ITGA5: variants seen among roughly 807,000 people sequenced by gnomAD.
ITGA5 encodes the protein integrin subunit alpha 5.
A neutral mutation model predicts 146.3 loss-of-function variants in ITGA5; 55 were observed. The observed-to-expected ratio is 0.38, with a 90% confidence interval of 0.30 to 0.47. The LOEUF is 0.47. ITGA5 is among the 20% of genes least tolerant of loss of function. The pLI is 0.99. For missense variants in ITGA5, 1,131 were observed against 1,329.0 expected (o/e 0.85, Z 2.32); for synonymous variants, 500 against 531.8 (o/e 0.94, Z 0.82).
intron 9 of ITGA5, among the ~76,000 whole-genome samples, chr12:54,406,540 GC>G (rs1955868484): frequency 6.6e-6 from 1 of 152,210 alleles, no homozygotes; most frequent in African/African-American, 2.4e-5. Flanking sequence ...AAATCCAGTG[GC>G]CCCCTGCAGT....
In ITGA5 at chr12:54,413,627, G is replaced by A. The variant is rs374347894; in HGVS notation, c.219-1663C>T. On this transcript the variant is annotated intron_variant, in intron 1 of 29. Transcript: ENST00000293379. The stretch of plus-strand genomic sequence containing the variant: ...TGGCTGCACCGCCCTAGGGCTGGGT[G>A]ATGTGAGAGAAGGAGACCCCTCTCT... Among the ~76,000 whole-genome samples the A allele has an allele frequency of 5.5e-4, 84 of 152,322 alleles. 1 individual carries two copies. The highest frequency in any genetic ancestry group is 9.6e-4 in the East Asian group (5 of 5,186).
At chr12:54,400,067 A>C (rs1373222122) in intron 25 of ITGA5, 120 bp from the exon 26 acceptor site, 1 of 722,442 alleles carries the variant, frequency 1.4e-6, no homozygotes, top group East Asian at 2.6e-5. Context: ...GATTCATCCA[A>C]CTGTCCACCT....
chr12:54,408,586 C>T (rs1013582283), intron 6 of ITGA5, among the ~76,000 whole-genome samples, 170 bp downstream of exon 6: 5 of 151,766 alleles, frequency 3.3e-5, no homozygotes, highest in African/African-American at 4.8e-5. Flanking sequence ...ATTAGCCAGG[C>T]GCGGTGGCAG....
rs992677585 is a variant in ITGA5 at position 54,408,386 on chromosome 12, G to A, written c.692-151C>T. ...GCATGTAAGCTTCAGGAAAGGAAGA[G>A]GAGAATTGGGAGTAGGGTGGGAGGC... On this transcript the variant is annotated intron_variant, in intron 6 of 29. Coordinates refer to ENST00000293379, the MANE Select transcript of ITGA5 (RefSeq NM_002205.5). The A allele has an allele frequency of 4.9e-5, 41 of 841,632 alleles. No homozygotes were observed. In the Middle Eastern group the frequency reaches 1.0e-3, roughly 21 times the overall value. 52.1% of individuals were successfully genotyped at this position (841,632 alleles called of 1,614,324 possible).
chr12:54,405,435 T>C, intron 11 of ITGA5, 61 bp from the exon 12 acceptor site: 1 of 1,349,210 alleles, frequency 7.4e-7, no homozygotes, highest in East Asian at 2.5e-5. Context: ...ACCCCAATCC[T>C]AGTGCTAGAA....
rs1956012181 is a variant in ITGA5, at chr12:54,416,724, G to A, written c.218+2257C>T. Among the ~76,000 whole-genome samples the A allele has an allele frequency of 6.6e-6, 1 of 152,198 alleles. No homozygotes were observed. Among genetic ancestry groups the A allele is most frequent in the South Asian group, 2.1e-4 (1 of 4,832 alleles). ...TTTTCACGGGAAGACCAGGCTCCAA[G>A]AGCTTAAATACCTCTCCCTAGGTAC... On this transcript the variant is annotated intron_variant, in intron 1 of 29. Transcript: ENST00000293379. This position sits in a 1 kb window ranked among gnomAD's most constrained non-coding sequence, Gnocchi z 4.1.
intron 1 of ITGA5, 76 bp downstream of exon 1, chr12:54,418,905 C>T: frequency 1.3e-6 from 2 of 1,545,206 alleles, no homozygotes; most frequent in South Asian, 1.2e-5. Flanking sequence ...CCCTGGTCCC[C>T]TCCAGACCCC....
Position 54,419,097 on chromosome 12 carries a change from C to T in ITGA5, c.102G>A (p.Pro34=), listed in dbSNP as rs12817414. 6.3e-7 allele frequency: 1 copy of T among 1,588,186 alleles called. No homozygotes were observed. The highest frequency in any genetic ancestry group is 8.5e-7 in the Non-Finnish European group (1 of 1,170,294). Residue 34 remains proline, a synonymous_variant, in exon 1 of 30, where the codon CCG becomes CCA. Transcript: ENST00000293379. ...PLLPLLLLLL[P]PPPRVGGFNL... ...TGAAGCCCCCGACCCTGGGTGGCGGCGGCAGCAGCAGCAACAGCAGCGGCA... is the reference window on the plus strand; with the variant it reads ...TGAAGCCCCCGACCCTGGGTGGCGGTGGCAGCAGCAGCAACAGCAGCGGCA...
rs1009565501 is a variant in ITGA5, at chr12:54,409,156, G to A, written c.583+76C>T. Reference sequence around the variant, plus strand: ...TCATGGGGGCACATGGTAGGTGCGAGTCAACCCTAAGTATGTGAGACACTT... The same window carrying A: ...TCATGGGGGCACATGGTAGGTGCGAATCAACCCTAAGTATGTGAGACACTT... On this transcript the variant is annotated intron_variant, in intron 4 of 29. Transcript: ENST00000293379. The surrounding 1 kb of genome is among the most constrained non-coding windows in gnomAD (Gnocchi z 4.7). 4 of 1,557,246 alleles carry A rather than the reference G, an allele frequency of 2.6e-6. No individual in the cohort carries two copies. In the African/African-American group the frequency reaches 5.5e-5, roughly 21 times the overall value.
chr12:54,417,589 C>T (rs998824895), intron 1 of ITGA5, among the ~76,000 whole-genome samples: 1 of 152,042 alleles, frequency 6.6e-6, no homozygotes, highest in African/African-American at 2.4e-5. Context: ...GAGAATTTGC[C>T]TTTCTCCCCA....
rs768801305 is a variant in ITGA5, at chr12:54,401,692, G to A, written c.2307-27C>T. On this transcript the variant is annotated intron_variant, in intron 22 of 29. Coordinates refer to ENST00000293379, the MANE Select transcript of ITGA5 (RefSeq NM_002205.5). This position sits in a 1 kb window ranked among gnomAD's most constrained non-coding sequence, Gnocchi z 5.0. Reference sequence around the variant, plus strand: ...TGTGGGATGGAGGCAAGACTGAGGTGCTGGAGTGCAGCCAGTGAGAATGGC... The same window carrying A: ...TGTGGGATGGAGGCAAGACTGAGGTACTGGAGTGCAGCCAGTGAGAATGGC... 4.7e-5 allele frequency: 76 copies of A among 1,613,138 alleles called. No individual in the cohort carries two copies. The highest frequency in any genetic ancestry group is 6.4e-5 in the Non-Finnish European group (75 of 1,179,212).
chr12:54,408,890 C>T lies in ITGA5; in HGVS notation c.645+3G>A, dbSNP rs766983503. 6.2e-7 allele frequency: 1 copy of T among 1,614,108 alleles called. No individual in the cohort carries two copies. The highest frequency in any genetic ancestry group is 8.5e-7 in the Non-Finnish European group (1 of 1,179,992). On this transcript the variant is annotated splice_donor_region_variant and intron_variant, in intron 5 of 29. Transcript: ENST00000293379. The stretch of plus-strand genomic sequence containing the variant: ...CCCCTTCTCTCCCAGACCACTCTCT[C>T]ACCTTGGTGAACTCGGCACTGAAGC...
In ITGA5 at chr12:54,405,319, G is replaced by A. The variant is rs775846363; in HGVS notation, c.1072C>T (p.Arg358Trp). Residue 358 changes from arginine to tryptophan, a missense_variant, in exon 12 of 30, where the codon CGG (arginine) becomes TGG (tryptophan). Around this residue, in one of 3 missense-constraint regions of ITGA5, gnomAD observed 889 missense variants for 1,021.5 expected, o/e 0.87. Transcript: ENST00000293379. Reference protein sequence around the residue: ...PLLMDRTPDGRPQEVGRVYVY... With the variant: ...PLLMDRTPDGWPQEVGRVYVY... The stretch of plus-strand genomic sequence containing the variant: ...TAGACCCTGCCCACCTCCTGAGGCC[G>A]CCCGTCAGGGGTCCGATCCATGAGC... The A allele has an allele frequency of 2.0e-5, 33 of 1,612,648 alleles. No homozygotes were observed. The South Asian group carries it at 2.1e-4, about 10-fold the overall frequency.
At chr12:54,411,297 C>T (rs1461172999) in intron 2 of ITGA5, among the ~76,000 whole-genome samples, 1 of 152,242 alleles carries the variant, frequency 6.6e-6, no homozygotes, top group Non-Finnish European at 1.5e-5. Flanking sequence ...ATACCTTATA[C>T]AGTTGTTGAA....
In ITGA5 at chr12:54,401,505, G is replaced by GTGGTTTAGA; in HGVS notation, c.2388-28_2388-27insTCTAAACCA. On this transcript the variant is annotated intron_variant, in intron 23 of 29. Transcript: ENST00000293379. This position sits in a 1 kb window ranked among gnomAD's most constrained non-coding sequence, Gnocchi z 5.0. ...TAAGGAGGAGGGTGGTTTAGAGGAG[G>GTGGTTTAGA]GTGGAAGGAACCCCATATGCATCCT... 3 of 1,607,184 alleles carry GTGGTTTAGA rather than the reference G, an allele frequency of 1.9e-6. No individual in the cohort carries two copies. Among genetic ancestry groups the GTGGTTTAGA allele is most frequent in the African/African-American group, 1.3e-5 (1 of 74,808 alleles).
rs1372689836 is a variant in ITGA5, at chr12:54,416,242, T to C, written c.218+2739A>G. On this transcript the variant is annotated intron_variant, in intron 1 of 29. Transcript: ENST00000293379. This position sits in a 1 kb window ranked among gnomAD's most constrained non-coding sequence, Gnocchi z 4.1. ...GTGCCAGCACGCTCGGCTAATTTTT[T>C]TATTTTTAGTAGAGATGGGGTTTCA... Among the ~76,000 whole-genome samples the C allele has an allele frequency of 6.6e-6, 1 of 152,142 alleles. No homozygotes were observed. Among genetic ancestry groups the C allele is most frequent in the Non-Finnish European group, 1.5e-5 (1 of 68,010 alleles).
At chr12:54,410,305 C>G (rs754158768) in intron 2 of ITGA5, among the ~76,000 whole-genome samples, 19 of 149,994 alleles carry the variant, frequency 1.3e-4, no homozygotes, top group Non-Finnish European at 2.1e-4. Flanking sequence ...ACTTCTTTGT[C>G]TATACTTGGA....
intron 2 of ITGA5, among the ~76,000 whole-genome samples, chr12:54,410,347 C>CTTT (rs68135389): frequency 2.0e-4 from 26 of 132,988 alleles, no homozygotes; most frequent in Admixed American, 1.5e-3. Context: ...GTTCCACCTC[C>CTTT]TTTTTTTTTT....
In ITGA5 at chr12:54,402,283, G is replaced by A. The variant is rs756270011; in HGVS notation, c.2030C>T (p.Thr677Ile). 1.2e-6 allele frequency: 2 copies of A among 1,614,188 alleles called. No individual in the cohort carries two copies. Among genetic ancestry groups the A allele is most frequent in the Admixed American group, 3.3e-5 (2 of 60,032 alleles). ...YLGDKNALNLTFHAQNVGEGG... is the reference protein window; with the variant it reads ...YLGDKNALNLIFHAQNVGEGG... Reference sequence around the variant, plus strand: ...CTCACCCACATTCTGGGCATGGAAAGTGAGGTTCAGGGCATTCTTGTCACC... The same window carrying A: ...CTCACCCACATTCTGGGCATGGAAAATGAGGTTCAGGGCATTCTTGTCACC... Residue 677 changes from threonine to isoleucine, a missense_variant, in exon 20 of 30, where the codon ACT becomes ATT. By Grantham distance (89) the Thr-to-Ile change is moderately conservative. Transcript: ENST00000293379.
Sources: allele counts gnomAD v4.1 joint callset (sites outside exome capture counted in the v4.1 genomes callset), GRCh38; gene constraint gnomAD v4.1.1; regional missense constraint gnomAD v4.1.1; non-coding constraint Gnocchi (gnomAD v3.1); transcripts MANE v1.5; gene names NCBI Gene and HGNC (gene_info 2026-07-23, HGNC 2026-07-21).